Variants in EGFLAM observed in about 807,000 individuals in gnomAD.
EGFLAM encodes EGF like, fibronectin type III and laminin G domains, also known as pikachurin.
A neutral mutation model predicts 113.1 loss-of-function variants in EGFLAM; 79 were observed. The observed-to-expected ratio is 0.70, with a 90% CI of 0.58 to 0.84. The LOEUF (loss-of-function observed/expected upper bound fraction) is 0.84, where lower values mean the gene tolerates loss of function less well. Ranked by LOEUF, EGFLAM falls within the 40% of genes least tolerant of loss-of-function variation. The pLI is 0.00. For missense variants in EGFLAM, 1,265 were observed against 1,291.6 expected (o/e 0.98, Z 0.32); for synonymous variants, 504 against 487.6 (o/e 1.03, Z -0.44).
intron 1 of EGFLAM, among the ~76,000 whole-genome samples, chr5:38,273,354 C>T (rs1237473725): frequency 1.3e-5 from 2 of 152,222 alleles, no homozygotes; most frequent in East Asian, 3.8e-4. Context: ...AACACATAGC[C>T]CCTGCAAGAT....
At chr5:38,367,499 CCT>C (rs1483477612) in intron 5 of EGFLAM, among the ~76,000 whole-genome samples, 1 of 151,970 alleles carries the variant, frequency 6.6e-6, no homozygotes, top group African/African-American at 2.4e-5. Flanking sequence ...TATCCTCCCA[CCT>C]CGGCCTTCCA....
In EGFLAM at chr5:38,463,984, T is replaced by TAAC; in HGVS notation, c.3030_*2dup. Reference sequence around the variant, plus strand: ...AAACATCAACACTTGTGGAGCCAAGTAACACCAGCTGGCCTTGTCCAAGGG... The same window carrying TAAC: ...AAACATCAACACTTGTGGAGCCAAGTAACAACACCAGCTGGCCTTGTCCAAGGG... On this transcript the variant is annotated inframe_insertion and stop_retained_variant, in exon 22 of 22. Coordinates refer to ENST00000322350, the MANE Select transcript of EGFLAM (RefSeq NM_152403.4). The TAAC allele has an allele frequency of 6.2e-7, 1 of 1,614,222 alleles. No individual in the cohort carries two copies.
At chr5:38,266,912 G>A (rs1757646593) in intron 1 of EGFLAM, among the ~76,000 whole-genome samples, 1 of 152,146 alleles carries the variant, frequency 6.6e-6, no homozygotes, top group African/African-American at 2.4e-5. Context: ...ATCACTGCTA[G>A]GGACATGGAA....
chr5:38,442,589 A>G (rs758876111), intron 17 of EGFLAM, among the ~76,000 whole-genome samples: 5 of 152,290 alleles, frequency 3.3e-5, no homozygotes, highest in Non-Finnish European at 7.4e-5. Flanking sequence ...AGAGTGAAAC[A>G]TGCAAACATA....
chr5:38,368,437 C>T (rs1020585343), intron 5 of EGFLAM, among the ~76,000 whole-genome samples: 2 of 152,172 alleles, frequency 1.3e-5, no homozygotes, highest in Non-Finnish European at 2.9e-5. Context: ...GAGGAAGCAT[C>T]ATTTATTGGG....
At chr5:38,272,471 G>A (rs1350234275) in intron 1 of EGFLAM, among the ~76,000 whole-genome samples, 1 of 152,180 alleles carries the variant, frequency 6.6e-6, no homozygotes, top group African/African-American at 2.4e-5. Flanking sequence ...AGCTAGACCA[G>A]TCTGCCATAA....
rs116565127 is a variant in EGFLAM at position 38,322,485 on chromosome 5, C to T, written c.98-15035C>T. 3.4e-3 allele frequency among the ~76,000 whole-genome samples: 512 copies of T among 152,296 alleles called. 8 individuals are homozygous for T. Among genetic ancestry groups the T allele is most frequent in the African/African-American group, 0.011 (467 of 41,570 alleles). On this transcript the variant is annotated intron_variant, in intron 1 of 21. Coordinates refer to ENST00000322350, the MANE Select transcript of EGFLAM (RefSeq NM_152403.4). ...CCACGTTTGCCTGGGTCTGAGGGAG[C>T]ACTGCCCTGAGGAGCTGTTCCAAGT...
chr5:38,416,192 C>T (rs1741637233), intron 11 of EGFLAM, among the ~76,000 whole-genome samples: 1 of 152,188 alleles, frequency 6.6e-6, no homozygotes, highest in African/African-American at 2.4e-5. Context: ...GTTTAATAAG[C>T]TTTCTGAGAG....
intron 17 of EGFLAM, chr5:38,445,638 G>A (rs1474309287): frequency 6.3e-7 from 1 of 1,598,496 alleles, no homozygotes; most frequent in South Asian, 1.1e-5. Context: ...GACTGTGAAA[G>A]GCTGACTCTC....
At chr5:38,441,934 G>A (rs1742548736) in intron 17 of EGFLAM, among the ~76,000 whole-genome samples, 1 of 152,080 alleles carries the variant, frequency 6.6e-6, no homozygotes, top group African/African-American at 2.4e-5. Flanking sequence ...AGGTGGCCCC[G>A]CATAAGACAG....
At chr5:38,263,781 T>A (rs1757562490) in intron 1 of EGFLAM, among the ~76,000 whole-genome samples, 1 of 152,228 alleles carries the variant, frequency 6.6e-6, no homozygotes, top group Admixed American at 6.5e-5. Context: ...ATAATTCATT[T>A]TGAGTTAATT....
intron 1 of EGFLAM, among the ~76,000 whole-genome samples, chr5:38,334,793 C>A (rs1039089366): frequency 6.6e-6 from 1 of 152,162 alleles, no homozygotes. Context: ...ATGTACACCA[C>A]TATAAACTTC....
At chr5:38,328,333 C>G (rs1292786293) in intron 1 of EGFLAM, among the ~76,000 whole-genome samples, 1 of 152,186 alleles carries the variant, frequency 6.6e-6, no homozygotes, top group Non-Finnish European at 1.5e-5. Flanking sequence ...TCACCTTCCA[C>G]CAGGCCCTTC....
At position 38,435,207 on chromosome 5, in the gene EGFLAM, A is replaced by G. The variant is rs1742305818; in HGVS notation, c.2237A>G (p.Lys746Arg). Residue 746 changes from lysine (K) to arginine (R), a missense_variant, in exon 16 of 22, where the codon AAG (lysine) becomes AGG (arginine). Lys to Arg is a conservative substitution (Grantham distance 26, BLOSUM62 2). Coordinates refer to ENST00000322350, the MANE Select transcript of EGFLAM (RefSeq NM_152403.4). ...GGAGTCCCCAATTATGATGATGTGA[A>G]GAAGAACTCGGGTGTCCTGAAGCCT... ...IGGVPNYDDV[K>R]KNSGVLKPFS... 1 of 1,614,062 alleles carries G rather than the reference A, an allele frequency of 6.2e-7. No homozygotes were observed. Among genetic ancestry groups the G allele is most frequent in the Non-Finnish European group, 8.5e-7 (1 of 1,179,968 alleles).
intron 5 of EGFLAM, among the ~76,000 whole-genome samples, chr5:38,367,431 TAGTG>T: frequency 6.6e-6 from 1 of 151,644 alleles, no homozygotes; most frequent in South Asian, 2.1e-4. Flanking sequence ...TTATTAAACA[TAGTG>T]AGACGAGGTC....
intron 6 of EGFLAM, among the ~76,000 whole-genome samples, chr5:38,373,475 C>A (rs1450030399): frequency 6.6e-6 from 1 of 152,080 alleles, no homozygotes; most frequent in Non-Finnish European, 1.5e-5. Flanking sequence ...CCCCATGTAC[C>A]AATTGGTTAG....
intron 1 of EGFLAM, among the ~76,000 whole-genome samples, chr5:38,276,705 A>G (rs1757895424): frequency 6.6e-6 from 1 of 152,150 alleles, no homozygotes; most frequent in African/African-American, 2.4e-5. Flanking sequence ...AGAGAAGAGT[A>G]AATAAATAAA....
chr5:38,425,197 G>C (rs531423997), intron 13 of EGFLAM, 105 bp downstream of exon 13: 2 of 1,481,156 alleles, frequency 1.4e-6, no homozygotes, highest in African/African-American at 2.8e-5. Flanking sequence ...GTTTGTTTTT[G>C]AGACAAAGGC....
At chr5:38,407,506 A>G (rs1741328531) in intron 8 of EGFLAM, among the ~76,000 whole-genome samples, 1 of 152,218 alleles carries the variant, frequency 6.6e-6, no homozygotes, top group African/African-American at 2.4e-5. Flanking sequence ...GCCAACTTAT[A>G]TTACACAAAG....
Sources: gnomAD v4.1 joint callset for allele counts (sites outside exome capture counted in the v4.1 genomes callset) on GRCh38, gnomAD v4.1.1 for gene constraint, MANE v1.5 for transcripts, NCBI Gene and HGNC (gene_info 2026-07-23, HGNC 2026-07-21) for gene names.